Variants in THAP5 observed in about 807,000 individuals in gnomAD.
THAP5 encodes THAP domain containing 5, also known as THAP domain-containing protein 5.
THAP5 carries 26 observed loss-of-function variants against 34.0 expected under a neutral mutation model. The observed-to-expected ratio is 0.77, with a 90% CI of 0.56 to 1.06. The LOEUF (loss-of-function observed/expected upper bound fraction) is 1.06. Among genes scored for constraint, THAP5 ranks in the 50% least tolerant of loss-of-function variants. The probability of loss-of-function intolerance (pLI) is 0.00; values close to 1 mark genes in which losing one functional copy is unlikely to be tolerated. For missense variants in THAP5, 394 were observed against 452.8 expected (o/e 0.87, Z 1.18); for synonymous variants, 125 against 153.0 (o/e 0.82, Z 1.35).
downstream of THAP5, among the ~76,000 whole-genome samples, chr7:108,549,630 C>T (rs1864341482): frequency 6.6e-6 from 1 of 152,066 alleles, no homozygotes; most frequent in Non-Finnish European, 1.5e-5. Context: ...TTATTTTGAC[C>T]ATGTAAATGC....
chr7:108,543,345 A>G, the THAP5 span, among the ~76,000 whole-genome samples: 1 of 152,204 alleles, frequency 6.6e-6, no homozygotes, highest in South Asian at 2.1e-4. Context: ...CAAGAGGCCC[A>G]GGCAGAAGCT....
At chr7:108,561,779 A>AT (rs1864434017), downstream of THAP5, among the ~76,000 whole-genome samples, 1 of 152,098 alleles carries the variant, frequency 6.6e-6, no homozygotes, top group African/African-American at 2.4e-5. Flanking sequence ...TCCAATCGTG[A>AT]TTTTTTTCTA....
chr7:108,567,435 C>T (rs955184963), intron 1 of THAP5, among the ~76,000 whole-genome samples: 2 of 151,836 alleles, frequency 1.3e-5, no homozygotes, highest in Non-Finnish European at 2.9e-5. Flanking sequence ...ATGCTGTTTG[C>T]AAATTATTTC....
chr7:108,566,386 G>A (rs1356692021), intron 1 of THAP5, among the ~76,000 whole-genome samples: 4 of 151,994 alleles, frequency 2.6e-5, no homozygotes, highest in African/African-American at 9.7e-5. Context: ...CTAGAAAAAA[G>A]GTTTGTATAA....
At chr7:108,545,281 G>C in the THAP5 span, among the ~76,000 whole-genome samples, 2 of 152,206 alleles carry the variant, frequency 1.3e-5, no homozygotes, top group African/African-American at 4.8e-5. Flanking sequence ...TTAAAGTGTA[G>C]TGAAAGTGAC....
the THAP5 span, among the ~76,000 whole-genome samples, chr7:108,546,458 T>C: frequency 2.0e-5 from 3 of 152,202 alleles, no homozygotes; most frequent in Non-Finnish European, 4.4e-5. Flanking sequence ...ATAGGACCCT[T>C]ACCCACACCG....
In THAP5 at chr7:108,565,874, G is replaced by T; in HGVS notation, c.229C>A (p.Gln77Lys). The T allele has an allele frequency of 6.5e-7, 1 of 1,547,946 alleles. No individual in the cohort carries two copies. Among genetic ancestry groups the T allele is most frequent in the Non-Finnish European group, 8.7e-7 (1 of 1,146,400 alleles). Residue 77 changes from glutamine (Q) to lysine (K), a missense_variant, in exon 2 of 3, where the codon CAA (glutamine) becomes AAA (lysine). Coordinates refer to ENST00000415914, the MANE Select transcript of THAP5 (RefSeq NM_001130475.3). Reference sequence around the variant, plus strand: ...GAAAATATTGTTGGAACTGCAGTTTGTTTTAAATATCGAATACCCCATCTG... The same window carrying T: ...GAAAATATTGTTGGAACTGCAGTTTTTTTTAAATATCGAATACCCCATCTG... ...DIRWGIRYLK[Q>K]TAVPTIFSLP...
downstream of THAP5, among the ~76,000 whole-genome samples, chr7:108,560,934 A>C (rs955103295): frequency 1.3e-5 from 2 of 151,924 alleles, no homozygotes; most frequent in Non-Finnish European, 2.9e-5. Flanking sequence ...GATGGGATCT[A>C]TGTTGCCCAG....
the THAP5 span, among the ~76,000 whole-genome samples, chr7:108,548,673 C>T: frequency 6.6e-6 from 1 of 152,192 alleles, no homozygotes; most frequent in African/African-American, 2.4e-5. Flanking sequence ...AAAGTCATGT[C>T]TTACAAGGCA....
At chr7:108,558,399 A>T (rs901240748), downstream of THAP5, among the ~76,000 whole-genome samples, 1 of 133,040 alleles carries the variant, frequency 7.5e-6, no homozygotes, top group Non-Finnish European at 1.6e-5. Context: ...ATATATATAT[A>T]TATATATATA....
chr7:108,557,943 G>A (rs1864398061), downstream of THAP5, among the ~76,000 whole-genome samples: 1 of 152,168 alleles, frequency 6.6e-6, no homozygotes, highest in Non-Finnish European at 1.5e-5. Flanking sequence ...GCATAGTTGG[G>A]AAGGCCTCAG....
downstream of THAP5, among the ~76,000 whole-genome samples, chr7:108,560,783 C>T (rs1864422164): frequency 6.6e-6 from 1 of 152,210 alleles, no homozygotes; most frequent in Non-Finnish European, 1.5e-5. Context: ...CTCTGTTGCC[C>T]AGGCTGGCGT....
downstream of THAP5, among the ~76,000 whole-genome samples, chr7:108,558,377 G>GTGTGTGTGTATATA (rs1401164750): frequency 5.6e-4 from 35 of 63,022 alleles, no homozygotes; most frequent in African/African-American, 8.1e-4. Flanking sequence ...ATGTGTGTGT[G>GTGTGTGTGTATATA]TATGTATATA....
downstream of THAP5, among the ~76,000 whole-genome samples, chr7:108,561,926 T>C (rs1468173163): frequency 6.6e-6 from 1 of 152,222 alleles, no homozygotes; most frequent in Non-Finnish European, 1.5e-5. Context: ...ATGATTATTA[T>C]GGTCCAGAAA....
chr7:108,561,128 C>A (rs575514985), downstream of THAP5, among the ~76,000 whole-genome samples: 1 of 152,328 alleles, frequency 6.6e-6, no homozygotes, highest in African/African-American at 2.4e-5. Flanking sequence ...GATTGAGTTT[C>A]TGTTCCTTGC....
chr7:108,546,279 T>G, the THAP5 span, among the ~76,000 whole-genome samples: 1 of 152,162 alleles, frequency 6.6e-6, no homozygotes, highest in East Asian at 1.9e-4. Context: ...GGCCTCCACC[T>G]CTTAGGAACT....
chr7:108,569,369 CG>C (rs1790560522), intron 1 of THAP5, 120 bp downstream of exon 1: 12 of 1,508,730 alleles, frequency 8.0e-6, no homozygotes, highest in Non-Finnish European at 1.1e-5. Flanking sequence ...CCGCGGGCGA[CG>C]GGCCACGTAC....
At chr7:108,566,548 A>C (rs1160373543) in intron 1 of THAP5, among the ~76,000 whole-genome samples, 1 of 152,196 alleles carries the variant, frequency 6.6e-6, no homozygotes, top group Non-Finnish European at 1.5e-5. Context: ...CTGAAAAAGT[A>C]CTGAAAATAT....
chr7:108,565,673 T>A (rs530659179), intron 2 of THAP5, 157 bp downstream of exon 2: 9 of 528,322 alleles, frequency 1.7e-5, no homozygotes, highest in African/African-American at 9.7e-5. Context: ...TAATTTTTTT[T>A]AATTATCACT....
Sources: gnomAD v4.1 joint callset for allele counts (sites outside exome capture counted in the v4.1 genomes callset) on GRCh38, gnomAD v4.1.1 for gene constraint, MANE v1.5 for transcripts, NCBI Gene and HGNC (gene_info 2026-07-23, HGNC 2026-07-21) for gene names.